ZXDC: variants seen among roughly 807,000 people sequenced by gnomAD.
ZXDC encodes the protein zinc finger protein ZXDC.
In ZXDC, 58 loss-of-function variants were observed where a neutral mutation model predicts 63.6. The observed-to-expected ratio is 0.91, with a 90% CI of 0.74 to 1.13. The LOEUF (loss-of-function observed/expected upper bound fraction) is 1.13. Ranked by LOEUF, ZXDC falls within the 50% of genes most tolerant of loss-of-function variation. The pLI is 0.00. For synonymous variants in ZXDC, 561 were observed against 496.1 expected, an observed-to-expected ratio of 1.13 and a Z score of -1.74; for missense variants, 1,133 against 1,148.9, an observed-to-expected ratio of 0.99 and a Z score of 0.20.
intron 7 of ZXDC, among the ~76,000 whole-genome samples, chr3:126,444,527 C>G (rs930701136): frequency 1.3e-5 from 2 of 148,720 alleles, no homozygotes; most frequent in Non-Finnish European, 3.0e-5. Context: ...GCGAGACTCC[C>G]TCTCAAAAAA....
At chr3:126,474,825 G>C (rs1307840479) in intron 1 of ZXDC, 134 bp downstream of exon 1, 4 of 1,060,922 alleles carry the variant, frequency 3.8e-6, no homozygotes, top group Non-Finnish European at 5.3e-6. Context: ...CATGGAAGGA[G>C]CTAGAATACA....
rs1934258669 is a variant in ZXDC, at chr3:126,455,174, T to C, written c.2212+4479A>G. 3 of 758,528 alleles carry C rather than the reference T, an allele frequency of 4.0e-6. No individual in the cohort carries two copies. In the South Asian group the frequency reaches 1.8e-4, roughly 45 times the overall value. 47.0% of individuals were successfully genotyped at this position (758,528 alleles called of 1,614,324 possible). On this transcript the variant is annotated intron_variant, in intron 7 of 9. Transcript: ENST00000389709. The stretch of plus-strand genomic sequence containing the variant: ...CCCAATTTTTTTTCCCTAAACTTAA[T>C]GCCAAAAGTAATTTAGCAACATAAC...
chr3:126,467,464 G>A (rs1213578385), intron 4 of ZXDC, among the ~76,000 whole-genome samples: 4 of 152,286 alleles, frequency 2.6e-5, no homozygotes, highest in Non-Finnish European at 4.4e-5. Context: ...GAGCAACGAC[G>A]CACTCGCGGC....
intron 7 of ZXDC, among the ~76,000 whole-genome samples, chr3:126,447,134 A>G (rs1463277761): frequency 6.6e-6 from 1 of 152,228 alleles, no homozygotes; most frequent in Non-Finnish European, 1.5e-5. Flanking sequence ...CTTCATGGGT[A>G]TTCTCACCAA....
At chr3:126,466,351 G>A in intron 4 of ZXDC, 26 bp from the exon 5 acceptor site, 1 of 1,613,770 alleles carries the variant, frequency 6.2e-7, no homozygotes, top group Non-Finnish European at 8.5e-7. Context: ...TAATGAGAGT[G>A]AAACCCAAGG....
Position 126,466,204 on chromosome 3 carries a change from G to A in ZXDC, c.1392C>T (p.Ser464=). ...CCATGTGCGCCTTCATGCTGTGCTT[G>A]GAGGTGAAGAGTCTGTTGCAGGTAG... is the stretch of plus-strand genomic sequence containing the variant. The part of the protein sequence containing the change: ...PVSTCNRLFT[S]KHSMKAHMVR... The change falls in exon 5 of 10, where the codon TCC becomes TCT. Residue 464 remains serine (S), a synonymous_variant. Coordinates refer to ENST00000389709, the MANE Select transcript of ZXDC (RefSeq NM_025112.5). 2 of 1,614,244 alleles carry A rather than the reference G, an allele frequency of 1.2e-6. No homozygotes were observed. Among genetic ancestry groups the A allele is most frequent in the Non-Finnish European group, 1.7e-6 (2 of 1,180,054 alleles).
rs543849665 is a variant in ZXDC at position 126,444,270 on chromosome 3, C to T, written c.2213-2324G>A. Reference sequence around the variant, plus strand: ...AATATTGGCCGGGCGCAGTGGCTCACGCCTGTAATCCCAGCGCTTTGGGAG... The same window carrying T: ...AATATTGGCCGGGCGCAGTGGCTCATGCCTGTAATCCCAGCGCTTTGGGAG... On this transcript the variant is annotated intron_variant, in intron 7 of 9. Transcript: ENST00000389709. Among the ~76,000 whole-genome samples, 11 of 152,316 alleles carry T rather than the reference C, an allele frequency of 7.2e-5. No individual in the cohort carries two copies. The South Asian group carries it at 1.5e-3, about 20-fold the overall frequency.
chr3:126,443,833 T>C (rs1230579151), intron 7 of ZXDC, among the ~76,000 whole-genome samples: 1 of 152,186 alleles, frequency 6.6e-6, no homozygotes, highest in Admixed American at 6.5e-5. Context: ...TTATTAGTAA[T>C]GCAAAACAAA....
chr3:126,449,248 A>G (rs1386604910), intron 7 of ZXDC, among the ~76,000 whole-genome samples: 1 of 152,206 alleles, frequency 6.6e-6, no homozygotes, highest in Non-Finnish European at 1.5e-5. Flanking sequence ...TTATTAAGAA[A>G]TAAGGTCTCA....
At chr3:126,460,840 G>A in intron 6 of ZXDC, 14 of 985,364 alleles carry the variant, frequency 1.4e-5, no homozygotes, top group Non-Finnish European at 1.7e-5. Context: ...GGTAAAATAA[G>A]ATGTAACATT....
intron 7 of ZXDC, chr3:126,451,803 C>T: frequency 1.0e-6 from 1 of 985,392 alleles, no homozygotes; most frequent in African/African-American, 1.7e-5. Context: ...TGTGCCTCTG[C>T]TGATACACTC....
intron 8 of ZXDC, 121 bp downstream of exon 8, chr3:126,441,616 TGGGGCAGTCTACAGGGGAGGATGCACGA>T (rs1933679946): frequency 2.9e-6 from 4 of 1,375,280 alleles, no homozygotes; most frequent in Non-Finnish European, 3.7e-6. Flanking sequence ...AGACAGGACT[TGGGGCAGTCTACAGGGGAGGATGCACGA>T]GGGGCAGGCA....
intron 5 of ZXDC, among the ~76,000 whole-genome samples, chr3:126,465,687 A>G (rs1434650896): frequency 6.6e-6 from 1 of 152,242 alleles, no homozygotes; most frequent in African/African-American, 2.4e-5. Flanking sequence ...ATGGTGGCTC[A>G]TGCCTGTAAT....
At chr3:126,457,297 A>C in intron 7 of ZXDC, 1 of 985,450 alleles carries the variant, frequency 1.0e-6, no homozygotes, top group Non-Finnish European at 1.2e-6. Context: ...CAGAGGATGC[A>C]ACACTGTGAC....
chr3:126,459,970 T>G, intron 6 of ZXDC: 1 of 985,466 alleles, frequency 1.0e-6, no homozygotes, highest in South Asian at 4.7e-5. Flanking sequence ...CAAAGTTCAT[T>G]CCTTCATAGT....
At chr3:126,458,602 C>A in intron 7 of ZXDC, 1 of 985,170 alleles carries the variant, frequency 1.0e-6, no homozygotes, top group Non-Finnish European at 1.2e-6. Flanking sequence ...AACATCAAAC[C>A]TCCTTTATAG....
chr3:126,450,344 C>T (rs1362066719), intron 7 of ZXDC: 9 of 456,594 alleles, frequency 2.0e-5, no homozygotes, highest in African/African-American at 4.0e-5. Context: ...GCTCCCACTT[C>T]GGCAAGTCTG....
At chr3:126,474,389 G>A (rs1339212459) in intron 1 of ZXDC, among the ~76,000 whole-genome samples, 1 of 152,198 alleles carries the variant, frequency 6.6e-6, no homozygotes, top group African/African-American at 2.4e-5. Context: ...TATCCACAAG[G>A]CTCGGCCTCT....
At chr3:126,439,779 A>C (rs1799404) in intron 8 of ZXDC, 52 bp from the exon 9 acceptor site, 778,182 of 1,523,568 alleles carry the variant, frequency 0.51, 202,083 homozygotes, top group African/African-American at 0.76. Context: ...AGTGCAGCAA[A>C]GGTCCTCGTC....
Sources: allele counts gnomAD v4.1 joint callset (sites outside exome capture counted in the v4.1 genomes callset), GRCh38; gene constraint gnomAD v4.1.1; transcripts MANE v1.5; gene names NCBI Gene and HGNC (gene_info 2026-07-23, HGNC 2026-07-21).